The following CCDC178 variants were observed in gnomAD, a reference collection of about 807,000 sequenced individuals.
The protein encoded by CCDC178 is coiled-coil domain containing 178.
Under a neutral mutation model 117.4 loss-of-function variants are expected in CCDC178, and 126 were observed. The ratio of observed to expected loss-of-function variants is 1.07; its 90% CI spans 0.93 to 1.24. The LOEUF (loss-of-function observed/expected upper bound fraction) is 1.24. Among genes scored for constraint, CCDC178 ranks in the 50% most tolerant of loss-of-function variants. CCDC178 has a pLI of 0.00. For synonymous variants in CCDC178, 283 were observed against 313.4 expected (o/e 0.90, Z 1.02); for missense variants, 1,030 against 986.9 (o/e 1.04, Z -0.59).
At chr18:33,355,729 T>C (rs937624185) in intron 7 of CCDC178, among the ~76,000 whole-genome samples, 9 of 152,238 alleles carry the variant, frequency 5.9e-5, no homozygotes, top group African/African-American at 1.7e-4. Context: ...GGCAAGTATA[T>C]GCCTTTAAAT....
At chr18:32,967,219 C>T (rs1355591830) in intron 22 of CCDC178, among the ~76,000 whole-genome samples, 1 of 151,406 alleles carries the variant, frequency 6.6e-6, no homozygotes, top group Admixed American at 6.6e-5. Context: ...AATCACAACT[C>T]ACAGGTTTTG....
In CCDC178 at chr18:33,094,485, G is replaced by GT. The variant is rs1012807142; in HGVS notation, c.2239-1576dup. On this transcript the variant is annotated intron_variant, in intron 20 of 22. Coordinates refer to ENST00000383096, the MANE Select transcript of CCDC178 (RefSeq NM_001105528.4). ...ATCATTTTGAATTTTTTGTTCATTT[G>GT]TTTTTTTGATTAAATCTAAGCACAA... is the stretch of plus-strand genomic sequence containing the variant. Among the ~76,000 whole-genome samples the GT allele has an allele frequency of 9.2e-4, 139 of 151,734 alleles. 2 individuals carry two copies. The highest frequency in any genetic ancestry group is 8.2e-3 in the Admixed American group (125 of 15,212).
chr18:33,202,391 TAAAAAAAAAAAAAAA>T (rs60997290), intron 20 of CCDC178, among the ~76,000 whole-genome samples: 4 of 20,282 alleles, frequency 2.0e-4, no homozygotes, highest in Admixed American at 9.7e-4. Flanking sequence ...GACTCCATCT[TAAAAAAAAAAAAAAA>T]AAAAAAAAAA....
At chr18:33,397,066 T>C in intron 4 of CCDC178, 83 bp downstream of exon 4, 1 of 875,626 alleles carries the variant, frequency 1.1e-6, no homozygotes, top group Non-Finnish European at 1.8e-6. Flanking sequence ...CCTGAAATTA[T>C]TTTCATGCTT....
At chr18:33,333,852 A>G (rs2062706381) in intron 9 of CCDC178, among the ~76,000 whole-genome samples, 1 of 152,304 alleles carries the variant, frequency 6.6e-6, no homozygotes, top group African/African-American at 2.4e-5. Flanking sequence ...TATAAAATAT[A>G]TTACTTTCTT....
intron 22 of CCDC178, among the ~76,000 whole-genome samples, chr18:32,949,920 G>A (rs1195932206): frequency 2.0e-5 from 3 of 152,082 alleles, no homozygotes; most frequent in Non-Finnish European, 2.9e-5. Flanking sequence ...TTCAAAATTT[G>A]TTAGGTGGGA....
chr18:33,186,866 T>A (rs566433816), intron 20 of CCDC178, among the ~76,000 whole-genome samples: 2 of 152,200 alleles, frequency 1.3e-5, no homozygotes, highest in South Asian at 4.1e-4. Flanking sequence ...CTCTTACTTT[T>A]AGAAGACCTT....
intron 21 of CCDC178, among the ~76,000 whole-genome samples, chr18:33,012,798 A>T (rs1341087708): frequency 2.0e-5 from 3 of 152,152 alleles, no homozygotes; most frequent in African/African-American, 4.8e-5. Flanking sequence ...GAAACTAGAC[A>T]TTTTTAAAGT....
intron 21 of CCDC178, among the ~76,000 whole-genome samples, chr18:33,080,729 G>T (rs1294711485): frequency 6.6e-6 from 1 of 152,070 alleles, no homozygotes; most frequent in African/African-American, 2.4e-5. Context: ...TTGTTTCATG[G>T]TGTTTTTATG....
At chr18:33,286,662 T>G (rs920684712) in intron 12 of CCDC178, among the ~76,000 whole-genome samples, 3 of 152,140 alleles carry the variant, frequency 2.0e-5, no homozygotes, top group Non-Finnish European at 4.4e-5. Context: ...ATTCAAAAAT[T>G]ATGAAAATAC....
intron 10 of CCDC178, among the ~76,000 whole-genome samples, chr18:33,332,770 C>T (rs1197223095): frequency 2.0e-5 from 3 of 152,032 alleles, no homozygotes; most frequent in African/African-American, 7.2e-5. Context: ...CAAGCCACCA[C>T]ATCTGGCTAA....
chr18:33,147,197 G>A (rs1360804244), intron 20 of CCDC178, among the ~76,000 whole-genome samples: 1 of 148,322 alleles, frequency 6.7e-6, no homozygotes, highest in East Asian at 2.0e-4. Context: ...AGTTCTGGAG[G>A]CTGGGAGTTT....
intron 10 of CCDC178, among the ~76,000 whole-genome samples, chr18:33,329,836 T>G (rs1038191352): frequency 6.6e-6 from 1 of 151,642 alleles, no homozygotes; most frequent in South Asian, 2.1e-4. Flanking sequence ...CCTCTTCCTC[T>G]TTTCCTTTTG....
chr18:33,345,659 T>C (rs968809713), intron 9 of CCDC178, among the ~76,000 whole-genome samples: 1 of 152,184 alleles, frequency 6.6e-6, no homozygotes, highest in Non-Finnish European at 1.5e-5. Flanking sequence ...CATTATAGGA[T>C]ATATGCCAAA....
chr18:33,357,969 G>T (rs984619104), intron 6 of CCDC178, among the ~76,000 whole-genome samples: 1 of 151,754 alleles, frequency 6.6e-6, no homozygotes, highest in African/African-American at 2.4e-5. Flanking sequence ...CATCATAAGA[G>T]TATATTTATA....
At chr18:33,187,377 A>G (rs1848416005) in intron 20 of CCDC178, among the ~76,000 whole-genome samples, 1 of 151,974 alleles carries the variant, frequency 6.6e-6, no homozygotes, top group Non-Finnish European at 1.5e-5. Context: ...TTTGCAATAG[A>G]TGCAACCCTT....
At chr18:33,016,866 T>G (rs1030878806) in intron 21 of CCDC178, among the ~76,000 whole-genome samples, 11 of 151,814 alleles carry the variant, frequency 7.2e-5, no homozygotes, top group Admixed American at 1.3e-4. Context: ...AATAAAAACA[T>G]TTAGAAAAAC....
chr18:33,119,795 T>A (rs2057910924), intron 20 of CCDC178, among the ~76,000 whole-genome samples: 1 of 152,104 alleles, frequency 6.6e-6, no homozygotes, highest in African/African-American at 2.4e-5. Flanking sequence ...CACATGTCCA[T>A]CAATGATAGA....
At chr18:33,438,988 C>A (rs2064335663) in intron 2 of CCDC178, among the ~76,000 whole-genome samples, 1 of 152,212 alleles carries the variant, frequency 6.6e-6, no homozygotes, top group South Asian at 2.1e-4. Flanking sequence ...CCCACTCCAT[C>A]CACATAGTCT....
Sources: gnomAD v4.1 joint callset for allele counts (sites outside exome capture counted in the v4.1 genomes callset) on GRCh38, gnomAD v4.1.1 for gene constraint, MANE v1.5 for transcripts, NCBI Gene and HGNC (gene_info 2026-07-23, HGNC 2026-07-21) for gene names.